The following MACF1 variants were observed in gnomAD, a reference collection of about 807,000 sequenced individuals.
The protein encoded by MACF1 is microtubule actin crosslinking factor 1, also known as microtubule-actin cross-linking factor 1.
MACF1 carries 193 observed loss-of-function variants against 854.8 expected under a neutral mutation model. The ratio of observed to expected loss-of-function variants is 0.23; its 90% confidence interval spans 0.20 to 0.25. The LOEUF is 0.25. MACF1 is among the 10% of genes least tolerant of loss of function. The pLI, the probability that MACF1 is intolerant of heterozygous loss-of-function variation, is 1.00. For missense variants in MACF1, 7,722 were observed against 8,929.1 expected, an observed-to-expected ratio of 0.86 and a Z score of 5.45; for synonymous variants, 3,185 against 3,226.7, an observed-to-expected ratio of 0.99 and a Z score of 0.44.
intron 2 of MACF1, among the ~76,000 whole-genome samples, chr1:39,240,765 C>T (rs1472243994): frequency 6.6e-6 from 1 of 152,206 alleles, no homozygotes. Context: ...TCCTAAAGTG[C>T]TGGGATTACA....
At position 39,102,721 on chromosome 1, in the gene MACF1, C is replaced by T. The variant is rs1430398814; in HGVS notation, c.220+18283C>T. On this transcript the variant is annotated intron_variant, in intron 2 of 93. Transcript: ENST00000361689. ...CCACTAGATGCCCTTCCGAGTACAT[C>T]CTTCTGCTTCCCCCATTGCAGCCTT... is the stretch of plus-strand genomic sequence containing the variant. 1.0e-5 allele frequency: 7 copies of T among 701,106 alleles called. No homozygotes were observed. The Admixed American group carries it at 1.0e-4, about 10-fold the overall frequency. 43.4% of individuals were successfully genotyped at this position (701,106 alleles called of 1,614,324 possible).
chr1:39,166,910 C>T (rs1163758423), intron 2 of MACF1, among the ~76,000 whole-genome samples: 1 of 152,050 alleles, frequency 6.6e-6, no homozygotes, highest in African/African-American at 2.4e-5. Flanking sequence ...AAGTATGTAC[C>T]TGATTTTAGT....
At chr1:39,224,420 AAGAG>A (rs146338891) in intron 1 of MACF1, among the ~76,000 whole-genome samples, 2 of 152,192 alleles carry the variant, frequency 1.3e-5, no homozygotes, top group African/African-American at 2.4e-5. Context: ...TCTCAGATTC[AAGAG>A]AGAGAGTCAA....
At chr1:39,352,006 A>G (rs1299513054) in intron 43 of MACF1, among the ~76,000 whole-genome samples, 2 of 152,196 alleles carry the variant, frequency 1.3e-5, no homozygotes, top group African/African-American at 4.8e-5. Context: ...TACGATGGGA[A>G]TCGTGGCACT....
At chr1:39,352,531 G>A (rs972136005) in intron 43 of MACF1, among the ~76,000 whole-genome samples, 1 of 152,134 alleles carries the variant, frequency 6.6e-6, no homozygotes, top group Non-Finnish European at 1.5e-5. Flanking sequence ...GATTTGTTTT[G>A]TTTTGAGACA....
intron 6 of MACF1, among the ~76,000 whole-genome samples, chr1:39,262,397 CAAAAA>C (rs56376033): frequency 5.1e-4 from 35 of 68,804 alleles, no homozygotes; most frequent in East Asian, 1.1e-3. Flanking sequence ...GACTCCATCA[CAAAAA>C]AAAAAAAAAA....
chr1:39,254,052 T>G, intron 4 of MACF1: 1 of 433,814 alleles, frequency 2.3e-6, no homozygotes, highest in South Asian at 3.6e-5. Context: ...TCGGCATTAG[T>G]GGTCAAACAG....
At position 39,304,302 on chromosome 1, in the gene MACF1, C is replaced by T. The variant is rs566814475; in HGVS notation, c.2789+1224C>T. On this transcript the variant is annotated intron_variant, in intron 23 of 100. Coordinates refer to ENST00000564288, the MANE Select transcript of MACF1 (RefSeq NM_001394062.1). ...TTCAGTAGTGACTTATTTCACTCTA[C>T]GTGCTTTCCAAGAATGTCACCGTCT... 1.1e-4 allele frequency: 73 copies of T among 644,868 alleles called. 1 individual carries two copies. The highest frequency in any genetic ancestry group is 8.8e-4 in the South Asian group (64 of 72,976). The allele number at this position is 644,868 out of a possible 1,614,324, so 39.9% of individuals were successfully genotyped here. A position where few individuals can be genotyped will look rare whatever the true frequency, so the allele number is the denominator to read the frequency against.
At position 39,437,780 on chromosome 1, in the gene MACF1, C is replaced by A. The variant is rs1427027323; in HGVS notation, c.17992C>A (p.His5998Asn). Residue 5998 changes from histidine (H) to asparagine (N), a missense_variant, in exon 71 of 101, where the codon CAT (histidine) becomes AAT (asparagine). His to Asn is a moderately conservative substitution (Grantham distance 68). Around this residue, in one of 15 missense-constraint regions of MACF1, gnomAD observed 2,807 missense variants for 3,235.8 expected, o/e 0.87. Transcript: ENST00000564288. ...TAATGTTCCAACATTTGTTTAGTTTCATGATAAAATTGAGCCTATGTTGGA... is the reference window on the plus strand; with the variant it reads ...TAATGTTCCAACATTTGTTTAGTTTAATGATAAAATTGAGCCTATGTTGGA... ...DEAVSQSTQF[H>N]DKIEPMLETL... 2 of 1,608,712 alleles carry A rather than the reference C, an allele frequency of 1.2e-6. No individual in the cohort carries two copies. The highest frequency in any genetic ancestry group is 1.7e-6 in the Non-Finnish European group (2 of 1,175,074).
Position 39,374,103 on chromosome 1 carries a change from A to G in MACF1, c.13213+1507A>G, listed in dbSNP as rs1649506193. Among the ~76,000 whole-genome samples the G allele has an allele frequency of 3.3e-5, 5 of 150,808 alleles. No individual in the cohort carries two copies. The South Asian group carries it at 1.1e-3, about 32-fold the overall frequency. On this transcript the variant is annotated intron_variant, in intron 52 of 100. Transcript: ENST00000564288. ...CTAAAAATACAAAAATTAGCCAGGC[A>G]TGGTGGCTTGCGCCTGTAATCCTAG...
chr1:39,355,396 C>T (rs188951779), intron 44 of MACF1, among the ~76,000 whole-genome samples: 9 of 151,966 alleles, frequency 5.9e-5, no homozygotes, highest in African/African-American at 2.2e-4. Flanking sequence ...TGTAGTACCG[C>T]TCCCACTTCA....
At chr1:39,471,963 T>C (rs1176280690) in intron 97 of MACF1, among the ~76,000 whole-genome samples, 5 of 152,284 alleles carry the variant, frequency 3.3e-5, no homozygotes, top group Non-Finnish European at 5.9e-5. Flanking sequence ...TGAAACTCTA[T>C]ACCCATTAAA....
chr1:39,391,128 C>T (rs919331166), intron 58 of MACF1, among the ~76,000 whole-genome samples: 3 of 150,934 alleles, frequency 2.0e-5, no homozygotes, highest in African/African-American at 7.3e-5. Context: ...AAAAAACACA[C>T]AAAATAGTTT....
At chr1:39,426,177 G>C (rs549063846) in intron 61 of MACF1, among the ~76,000 whole-genome samples, 4 of 152,204 alleles carry the variant, frequency 2.6e-5, no homozygotes, top group Admixed American at 1.3e-4. Context: ...ATTACTTGAA[G>C]ATATATTTTG....
At chr1:39,195,528 A>G (rs1487673162) in intron 2 of MACF1, among the ~76,000 whole-genome samples, 1 of 152,234 alleles carries the variant, frequency 6.6e-6, no homozygotes, top group Admixed American at 6.5e-5. Flanking sequence ...AAAGTGCTAA[A>G]CTTTATGAGA....
Position 39,333,462 on chromosome 1 carries a change from T to G in MACF1, c.6874T>G (p.Leu2292Val), listed in dbSNP as rs779181494. Reference sequence around the variant, plus strand: ...TACCTTAAATGTATTATCTGCACAGTTACTAGATGGTGGTATCTTTCATGA... The same window carrying G: ...TACCTTAAATGTATTATCTGCACAGGTACTAGATGGTGGTATCTTTCATGA... ...EATLNVLSAQ[L>V]LDGGIFHEQT... is the part of the protein sequence containing the mutation. Residue 2292 changes from leucine to valine, a missense_variant, in exon 37 of 101, where the codon TTA becomes GTA. Physicochemically the swap from Leu to Val is conservative, Grantham distance 32. Transcript: ENST00000564288. 2.5e-6 allele frequency: 4 copies of G among 1,614,028 alleles called. No homozygotes were observed. The highest frequency in any genetic ancestry group is 3.3e-5 in the Admixed American group (2 of 60,000).
At chr1:39,466,435 A>G (rs1282603832) in intron 95 of MACF1, among the ~76,000 whole-genome samples, 1 of 152,208 alleles carries the variant, frequency 6.6e-6, no homozygotes, top group Non-Finnish European at 1.5e-5. Context: ...TTAGTGTGAA[A>G]TTAAGGTTGG....
In MACF1 at chr1:39,463,776, G is replaced by A. The variant is rs112391941; in HGVS notation, c.21753+90G>A. On this transcript the variant is annotated intron_variant, in intron 94 of 100. Coordinates refer to ENST00000564288, the MANE Select transcript of MACF1 (RefSeq NM_001394062.1). ...TCCTCCTGATGCTTAGAGGCCCAGA[G>A]CCCATCGGACTTGAGATGTGGTCAC... 1.2e-4 allele frequency: 132 copies of A among 1,147,098 alleles called. No homozygotes were observed. The African/African-American group carries it at 1.4e-3, about 12-fold the overall frequency. 71.1% of individuals were successfully genotyped at this position (1,147,098 alleles called of 1,614,324 possible).
At position 39,388,047 on chromosome 1, in the gene MACF1, C is replaced by T; in HGVS notation, c.15205C>T (p.Leu5069=). Residue 5069 remains leucine, a synonymous_variant, in exon 58 of 101, where the codon CTG becomes TTG. Coordinates refer to ENST00000564288, the MANE Select transcript of MACF1 (RefSeq NM_001394062.1). ...GGCCCTAGAGCCTCAGGTAGACTATCTGAGGAACTTTACTCAGGGTCTGGT... is the reference window on the plus strand; with the variant it reads ...GGCCCTAGAGCCTCAGGTAGACTATTTGAGGAACTTTACTCAGGGTCTGGT... The part of the protein sequence containing the change: ...LQALEPQVDY[L]RNFTQGLVED... 6.2e-7 allele frequency: 1 copy of T among 1,614,142 alleles called. No homozygotes were observed. The highest frequency in any genetic ancestry group is 8.5e-7 in the Non-Finnish European group (1 of 1,180,024).
Sources: gnomAD v4.1 joint callset for allele counts (sites outside exome capture counted in the v4.1 genomes callset) on GRCh38, gnomAD v4.1.1 for gene constraint, gnomAD v4.1.1 regional missense constraint, MANE v1.5 for transcripts, NCBI Gene and HGNC (gene_info 2026-07-23, HGNC 2026-07-21) for gene names.